The following PLCE1 variants were observed in gnomAD, a reference collection of about 807,000 sequenced individuals.
The protein encoded by PLCE1 is 1-phosphatidylinositol 4,5-bisphosphate phosphodiesterase epsilon-1.
A neutral mutation model predicts 242.8 loss-of-function variants in PLCE1; 119 were observed. The ratio of observed to expected loss-of-function variants is 0.49; its 90% CI spans 0.42 to 0.57. The LOEUF (loss-of-function observed/expected upper bound fraction) is 0.57. Ranked by LOEUF, PLCE1 falls within the 20% of genes least tolerant of loss-of-function variation. The pLI, the probability that PLCE1 is intolerant of heterozygous loss-of-function variation, is 0.00. For missense variants in PLCE1, 2,441 were observed against 2,788.8 expected, an observed-to-expected ratio of 0.88 and a Z score of 2.81; for synonymous variants, 945 against 1,017.4, an observed-to-expected ratio of 0.93 and a Z score of 1.35.
chr10:94,114,510 G>A (rs987030930), intron 2 of PLCE1, among the ~76,000 whole-genome samples: 2 of 152,162 alleles, frequency 1.3e-5, no homozygotes, highest in Non-Finnish European at 2.9e-5. Flanking sequence ...TCAGGGCTCA[G>A]TTCATTCATG....
intron 3 of PLCE1, among the ~76,000 whole-genome samples, chr10:94,156,159 C>T (rs920848716): frequency 3.3e-5 from 5 of 152,136 alleles, no homozygotes; most frequent in Non-Finnish European, 2.9e-5. Context: ...ACACTTCTGA[C>T]ACCAAATGTG....
In PLCE1 at chr10:94,258,911, C is replaced by A; in HGVS notation, c.3666C>A (p.Phe1222Leu). ...GTTTTGTTGAATTTGTTGAGCTGTT[C>A]AAATCATTCAGGTACAGTCTTATGT... is the stretch of plus-strand genomic sequence containing the variant. The part of the protein sequence containing the change: ...NMSFVEFVEL[F>L]KSFSVRSRKD... The change falls in exon 12 of 33, where the codon TTC becomes TTA. Residue 1222 changes from phenylalanine (F) to leucine (L), a missense_variant. Coordinates refer to ENST00000371380, the MANE Select transcript of PLCE1 (RefSeq NM_016341.4). 1 of 1,614,066 alleles carries A rather than the reference C, an allele frequency of 6.2e-7. No homozygotes were observed. Among genetic ancestry groups the A allele is most frequent in the South Asian group, 1.1e-5 (1 of 91,056 alleles).
At chr10:94,093,532 G>C (rs1353142015) in intron 2 of PLCE1, among the ~76,000 whole-genome samples, 1 of 152,106 alleles carries the variant, frequency 6.6e-6, no homozygotes, top group African/African-American at 2.4e-5. Flanking sequence ...CTCAGAAACA[G>C]ACAGTCAGTG....
rs1336181934 is a variant in PLCE1, at chr10:94,032,095, C to G, written c.1049C>G (p.Thr350Ser). ...ACTGGAACAAGAGCAATTGTGAGAA[C>G]TCTGCCTTCTGGCCACATTGGGCTG... ...VYTGTRAIVR[T>S]LPSGHIGLTA... Residue 350 changes from threonine (T) to serine (S), a missense_variant, in exon 2 of 33, where the codon ACT (threonine) becomes AGT (serine). Thr to Ser is a moderately conservative substitution (Grantham distance 58). This residue lies in a region of PLCE1 where 733 missense variants were observed against 754.2 expected (regional missense o/e 0.97). Coordinates refer to ENST00000371380, the MANE Select transcript of PLCE1 (RefSeq NM_016341.4). 1.2e-6 allele frequency: 2 copies of G among 1,611,222 alleles called. No individual in the cohort carries two copies. Among genetic ancestry groups the G allele is most frequent in the Non-Finnish European group, 1.7e-6 (2 of 1,178,974 alleles).
intron 4 of PLCE1, among the ~76,000 whole-genome samples, chr10:94,213,571 A>G (rs4500414): frequency 0.37 from 55,632 of 151,904 alleles, 10,342 homozygotes; most frequent in East Asian, 0.53. Context: ...CTTCACTGCC[A>G]ACTTTCCTTG....
intron 3 of PLCE1, among the ~76,000 whole-genome samples, chr10:94,148,690 G>T (rs2047187524): frequency 6.6e-6 from 1 of 152,150 alleles, no homozygotes; most frequent in Non-Finnish European, 1.5e-5. Context: ...GAAAGAGAGG[G>T]TAGAAAAAGG....
intron 1 of PLCE1, among the ~76,000 whole-genome samples, chr10:94,011,876 C>T (rs2061175004): frequency 6.6e-6 from 1 of 152,104 alleles, no homozygotes; most frequent in Admixed American, 6.5e-5. Context: ...TGGTTTTCCG[C>T]CTTTCATGCT....
rs563692039 is a variant in PLCE1 at position 94,037,554 on chromosome 10, T to C, written c.1206+5302T>C. On this transcript the variant is annotated intron_variant, in intron 2 of 32. Coordinates refer to ENST00000371380, the MANE Select transcript of PLCE1 (RefSeq NM_016341.4). The stretch of plus-strand genomic sequence containing the variant: ...GTGATTTGCCAGGCTGCCTCTTTCA[T>C]TACGAAGGGTAGTGATGGGTTGATG... 1.1e-4 allele frequency among the ~76,000 whole-genome samples: 17 copies of C among 152,280 alleles called. No individual in the cohort carries two copies. The South Asian group carries it at 3.3e-3, about 30-fold the overall frequency.
At chr10:94,190,804 G>A (rs2048636745) in intron 4 of PLCE1, among the ~76,000 whole-genome samples, 1 of 152,236 alleles carries the variant, frequency 6.6e-6, no homozygotes. Context: ...TTAAATGGAT[G>A]CCTACTAGGC....
chr10:94,159,932 T>G (rs911281467), intron 3 of PLCE1, among the ~76,000 whole-genome samples: 2 of 152,206 alleles, frequency 1.3e-5, no homozygotes, highest in African/African-American at 4.8e-5. Context: ...TCCATGTCCC[T>G]AAAAAGAACA....
chr10:94,086,928 A>G (rs1188927804), intron 2 of PLCE1, among the ~76,000 whole-genome samples: 1 of 152,260 alleles, frequency 6.6e-6, no homozygotes, highest in Non-Finnish European at 1.5e-5. Context: ...GAATATTCAC[A>G]TAGTGCCCTA....
At chr10:94,082,681 C>T (rs181838843) in intron 2 of PLCE1, among the ~76,000 whole-genome samples, 1 of 152,204 alleles carries the variant, frequency 6.6e-6, no homozygotes, top group Non-Finnish European at 1.5e-5. Flanking sequence ...TAATTTCTGT[C>T]AATGAAAGCC....
At chr10:94,282,343 G>A (rs1369342780) in intron 20 of PLCE1, among the ~76,000 whole-genome samples, 14 of 152,036 alleles carry the variant, frequency 9.2e-5, no homozygotes, top group Non-Finnish European at 2.1e-4. Flanking sequence ...TGCCTTTTGG[G>A]TAATAAATTC....
At chr10:94,226,843 T>C (rs1215298035) in intron 4 of PLCE1, among the ~76,000 whole-genome samples, 2 of 140,962 alleles carry the variant, frequency 1.4e-5, no homozygotes, top group East Asian at 2.0e-4. Flanking sequence ...TTTTTTTTTT[T>C]TTTTTTTTTT....
chr10:94,296,126 G>C (rs1393716383), intron 23 of PLCE1, among the ~76,000 whole-genome samples: 1 of 152,128 alleles, frequency 6.6e-6, no homozygotes, highest in Non-Finnish European at 1.5e-5. Context: ...ACTTTGGGAG[G>C]CTGAGGCAGG....
chr10:94,312,482 G>A (rs1351938716), intron 27 of PLCE1, among the ~76,000 whole-genome samples: 1 of 152,198 alleles, frequency 6.6e-6, no homozygotes, highest in South Asian at 2.1e-4. Context: ...TCAATTTGGG[G>A]TTCTCTTGTC....
At chr10:94,310,454 G>A (rs1015046319) in intron 27 of PLCE1, among the ~76,000 whole-genome samples, 1 of 152,176 alleles carries the variant, frequency 6.6e-6, no homozygotes, top group South Asian at 2.1e-4. Context: ...CAGAGTCTCT[G>A]CAGGTGGGCC....
intron 4 of PLCE1, among the ~76,000 whole-genome samples, chr10:94,189,870 T>A (rs1272877163): frequency 6.6e-6 from 1 of 152,210 alleles, no homozygotes; most frequent in Non-Finnish European, 1.5e-5. Context: ...CTTTAATTCA[T>A]ACACTCAAAG....
At chr10:94,326,500 C>A (rs1038284148) in intron 32 of PLCE1, among the ~76,000 whole-genome samples, 1 of 152,108 alleles carries the variant, frequency 6.6e-6, no homozygotes, top group Admixed American at 6.5e-5. Context: ...TTATACACAC[C>A]TCTATAACTT....
Sources: gnomAD v4.1 joint callset for allele counts (sites outside exome capture counted in the v4.1 genomes callset) on GRCh38, gnomAD v4.1.1 for gene constraint, gnomAD v4.1.1 regional missense constraint, MANE v1.5 for transcripts, NCBI Gene and HGNC (gene_info 2026-07-23, HGNC 2026-07-21) for gene names.